GABRA2: variants seen among roughly 807,000 people sequenced by gnomAD.
GABRA2 encodes gamma-aminobutyric acid receptor subunit alpha-2.
GABRA2 carries 16 observed loss-of-function variants against 48.7 expected under a neutral mutation model. That is an observed-to-expected ratio of 0.33 (90% CI 0.22 to 0.50). GABRA2 has a LOEUF of 0.50. Ranked by LOEUF, GABRA2 falls within the 20% of genes least tolerant of loss-of-function variation. The pLI is 0.98. For missense variants in GABRA2, 275 were observed against 535.6 expected, an observed-to-expected ratio of 0.51 and a Z score of 4.80; for synonymous variants, 185 against 184.5, an observed-to-expected ratio of 1.00 and a Z score of -0.02.
At chr4:46,389,465 T>G in intron 1 of GABRA2, 4 of 912,658 alleles carry the variant, frequency 4.4e-6, no homozygotes, top group East Asian at 1.2e-4. Flanking sequence ...GCAGCGGTAA[T>G]CACAGTGAGC....
rs1235812796 is a variant in GABRA2, at chr4:46,321,421, TAGTAGCCACTTACTATTATA to T, written c.256-8725_256-8706del. On this transcript the variant is annotated intron_variant, in intron 4 of 9. Coordinates refer to ENST00000381620, the MANE Select transcript of GABRA2 (RefSeq NM_000807.4). ...TGGATATGTTAATTTTACTTGACTG[TAGTAGCCACTTACTATTATA>T]AGTGCACTAAAATATAATGTACATC... Among the ~76,000 whole-genome samples the T allele has an allele frequency of 3.3e-5, 5 of 152,178 alleles. No homozygotes were observed. The East Asian group carries it at 9.7e-4, about 30-fold the overall frequency.
chr4:46,287,259 T>G (rs541627125), intron 8 of GABRA2, among the ~76,000 whole-genome samples: 67 of 148,716 alleles, frequency 4.5e-4, no homozygotes, highest in Non-Finnish European at 7.5e-4. Flanking sequence ...TGAAAATCAG[T>G]TGGCAGGTAG....
rs1357229167 is a variant in GABRA2, at chr4:46,282,160, T to C, written c.857-20032A>G. The stretch of plus-strand genomic sequence containing the variant: ...ATAGCAGAGTGAGGGTGCATGATAA[T>C]CCTTCTAATGACAACCTCTTATTCT... On this transcript the variant is annotated intron_variant, in intron 8 of 9. Transcript: ENST00000381620. Among the ~76,000 whole-genome samples, 3 of 152,150 alleles carry C rather than the reference T, an allele frequency of 2.0e-5. No homozygotes were observed. The East Asian group carries it at 5.8e-4, about 29-fold the overall frequency.
chr4:46,377,819 C>T (rs1473028545), intron 3 of GABRA2, among the ~76,000 whole-genome samples: 7 of 141,410 alleles, frequency 5.0e-5, no homozygotes, highest in Admixed American at 1.4e-4. Context: ...AAGTGAGGAG[C>T]CCCTCTGCCC....
intron 3 of GABRA2, among the ~76,000 whole-genome samples, chr4:46,348,233 T>C (rs1326890185): frequency 6.6e-6 from 1 of 152,018 alleles, no homozygotes; most frequent in Non-Finnish European, 1.5e-5. Flanking sequence ...AGATACCATC[T>C]CACACCAGTT....
At chr4:46,357,779 G>A (rs769197815) in intron 3 of GABRA2, among the ~76,000 whole-genome samples, 13 of 149,716 alleles carry the variant, frequency 8.7e-5, no homozygotes, top group Non-Finnish European at 1.8e-4. Context: ...TCCTGCCTCA[G>A]CCTCCCGAGT....
Position 46,374,526 on chromosome 4 carries a change from CT to C in GABRA2, c.187+11547del, listed in dbSNP as rs554072787. On this transcript the variant is annotated intron_variant, in intron 3 of 9. Coordinates refer to ENST00000381620, the MANE Select transcript of GABRA2 (RefSeq NM_000807.4). Reference sequence around the variant, plus strand: ...TTTGTAATTTTTATACCTTCTTCAACTTTCCTTAACCTGGAGATATAACTCT... The same window carrying C: ...TTTGTAATTTTTATACCTTCTTCAACTTCCTTAACCTGGAGATATAACTCT... 7.0e-4 allele frequency among the ~76,000 whole-genome samples: 106 copies of C among 152,180 alleles called. 1 individual carries two copies. The highest frequency in any genetic ancestry group is 1.2e-3 in the Non-Finnish European group (80 of 67,964).
chr4:46,354,918 T>C (rs961156026), intron 3 of GABRA2, among the ~76,000 whole-genome samples: 2 of 151,130 alleles, frequency 1.3e-5, no homozygotes, highest in Non-Finnish European at 2.9e-5. Flanking sequence ...GTGTCATGGC[T>C]GGCTCCACCT....
intron 8 of GABRA2, among the ~76,000 whole-genome samples, chr4:46,286,419 T>C (rs901731554): frequency 2.0e-5 from 3 of 152,120 alleles, no homozygotes; most frequent in South Asian, 2.1e-4. Flanking sequence ...TCCATGTACA[T>C]GTTTCTGTGT....
intron 7 of GABRA2, among the ~76,000 whole-genome samples, chr4:46,304,094 C>T (rs1726218992): frequency 6.6e-6 from 1 of 151,778 alleles, no homozygotes. Context: ...ATTTGTTTTC[C>T]TCTCTAAGTC....
intron 3 of GABRA2, chr4:46,368,339 A>G (rs1714368491): frequency 6.6e-6 from 1 of 152,022 alleles, no homozygotes; most frequent in Non-Finnish European, 1.5e-5. Flanking sequence ...TGCTAGCTAG[A>G]CTCATCTGGT....
At chr4:46,285,024 C>T (rs1198862752) in intron 8 of GABRA2, among the ~76,000 whole-genome samples, 2 of 89,382 alleles carry the variant, frequency 2.2e-5, no homozygotes, top group African/African-American at 8.9e-5. Flanking sequence ...GCTGCTCACC[C>T]TCAAAAAAAA....
intron 8 of GABRA2, among the ~76,000 whole-genome samples, chr4:46,269,854 T>C (rs1423262023): frequency 6.6e-6 from 1 of 151,964 alleles, no homozygotes; most frequent in Non-Finnish European, 1.5e-5. Flanking sequence ...TTATATTCTT[T>C]TTCTGCAGTG....
intron 8 of GABRA2, among the ~76,000 whole-genome samples, chr4:46,269,497 T>C (rs1718875723): frequency 6.6e-6 from 1 of 151,850 alleles, no homozygotes; most frequent in Admixed American, 6.6e-5. Flanking sequence ...AAGGATAAAG[T>C]AGTGCTATAT....
intron 5 of GABRA2, among the ~76,000 whole-genome samples, chr4:46,311,128 C>T (rs1727577335): frequency 6.6e-6 from 1 of 152,128 alleles, no homozygotes; most frequent in African/African-American, 2.4e-5. Context: ...TAAAGTTTTA[C>T]TCATTGCCTT....
chr4:46,264,999 A>ATATATATATATATATATATATG (rs1337931857), intron 8 of GABRA2, among the ~76,000 whole-genome samples: 5 of 141,548 alleles, frequency 3.5e-5, no homozygotes, highest in African/African-American at 5.4e-5. Context: ...ATATATATAT[A>ATATATATATATATATATATATG]TATGTATAAA....
chr4:46,361,101 A>G (rs1302144651), intron 3 of GABRA2, among the ~76,000 whole-genome samples: 1 of 152,158 alleles, frequency 6.6e-6, no homozygotes, highest in African/African-American at 2.4e-5. Context: ...AGAAAATCCC[A>G]TTTTCTGAGG....
chr4:46,304,907 G>T (rs1164634576), intron 7 of GABRA2, among the ~76,000 whole-genome samples: 2 of 122,494 alleles, frequency 1.6e-5, no homozygotes. Flanking sequence ...CCTGGTGACA[G>T]AGCAAGACTC....
chr4:46,389,426 G>A (rs913993793), intron 1 of GABRA2: 3 of 984,790 alleles, frequency 3.0e-6, no homozygotes, highest in African/African-American at 3.5e-5. Flanking sequence ...AGGCGCGTGA[G>A]GCTCCGGCAG....
Sources: allele counts gnomAD v4.1 joint callset (sites outside exome capture counted in the v4.1 genomes callset), GRCh38; gene constraint gnomAD v4.1.1; transcripts MANE v1.5; gene names NCBI Gene and HGNC (gene_info 2026-07-23, HGNC 2026-07-21).